TCF20: variants seen among roughly 807,000 people sequenced by gnomAD.
The protein encoded by TCF20 is transcription factor 20.
TCF20 carries 3 observed loss-of-function variants against 148.6 expected under a neutral mutation model. The ratio of observed to expected loss-of-function variants is 0.02; its 90% CI spans 0.01 to 0.05. TCF20 has a LOEUF of 0.05. TCF20 is among the 10% of genes least tolerant of loss of function. TCF20 has a pLI of 1.00. For missense variants in TCF20, 2,350 were observed against 2,429.3 expected, an observed-to-expected ratio of 0.97 and a Z score of 0.69; for synonymous variants, 1,049 against 909.5, an observed-to-expected ratio of 1.15 and a Z score of -2.76.
upstream of TCF20, among the ~76,000 whole-genome samples, chr22:42,284,906 T>C (rs1926998073): frequency 6.6e-6 from 1 of 152,174 alleles, no homozygotes; most frequent in Admixed American, 6.5e-5. Flanking sequence ...CAGGAAGCAT[T>C]GGGACACAAC....
intron 2 of TCF20, among the ~76,000 whole-genome samples, chr22:42,188,071 A>G (rs1937131401): frequency 6.6e-6 from 1 of 151,950 alleles, no homozygotes; most frequent in South Asian, 2.1e-4. Flanking sequence ...AGGCAGGCGG[A>G]TCACCTGAGG....
At chr22:42,246,860 GGAGGC>G (rs1445780033) in intron 1 of TCF20, among the ~76,000 whole-genome samples, 1 of 151,842 alleles carries the variant, frequency 6.6e-6, no homozygotes, top group Non-Finnish European at 1.5e-5. Context: ...CAGCTACTTG[GGAGGC>G]TGATGCAGGA....
At chr22:42,253,539 C>T (rs911434382) in intron 1 of TCF20, among the ~76,000 whole-genome samples, 1 of 151,764 alleles carries the variant, frequency 6.6e-6, no homozygotes, top group Non-Finnish European at 1.5e-5. Flanking sequence ...CAAGATTTAC[C>T]CCTTAAATAT....
chr22:42,245,885 T>C (rs1279032146), intron 1 of TCF20, among the ~76,000 whole-genome samples: 1 of 152,118 alleles, frequency 6.6e-6, no homozygotes, highest in Non-Finnish European at 1.5e-5. Context: ...ATAGATGGAA[T>C]TACAGGCATG....
chr22:42,243,282 G>A (rs1328934697), intron 1 of TCF20, among the ~76,000 whole-genome samples: 11 of 83,954 alleles, frequency 1.3e-4, no homozygotes, highest in Admixed American at 7.1e-4. Context: ...GGCAGAGCAA[G>A]ACACTGTCTC....
At chr22:42,272,418 T>G (rs946386413), upstream of TCF20, among the ~76,000 whole-genome samples, 2 of 152,208 alleles carry the variant, frequency 1.3e-5, no homozygotes, top group African/African-American at 4.8e-5. Flanking sequence ...TGAATCCTTT[T>G]TCCTTAGAGT....
chr22:42,264,261 T>TG, intron 1 of TCF20, among the ~76,000 whole-genome samples: 1 of 1,662 alleles, frequency 6.0e-4, no homozygotes, highest in East Asian at 0.011. Context: ...AGATCTAAAG[T>TG]GGGGCGGGGG....
chr22:42,329,951 G>T (rs1161752528), intron 1 of TCF20, among the ~76,000 whole-genome samples: 3 of 152,186 alleles, frequency 2.0e-5, no homozygotes, highest in Admixed American at 6.5e-5. Context: ...GTAGGTCCTG[G>T]CCCAGAGTAA....
intron 1 of TCF20, among the ~76,000 whole-genome samples, chr22:42,332,805 C>T (rs902339409): frequency 6.6e-6 from 1 of 152,192 alleles, no homozygotes; most frequent in Non-Finnish European, 1.5e-5. Flanking sequence ...TGGGCAAACA[C>T]GATGCTACAG....
intron 1 of TCF20, among the ~76,000 whole-genome samples, chr22:42,308,613 A>G (rs1927477435): frequency 6.6e-6 from 1 of 152,152 alleles, no homozygotes; most frequent in Non-Finnish European, 1.5e-5. Flanking sequence ...ACCCAGGGCC[A>G]TGGCAGGCAC....
At chr22:42,197,730 A>G (rs1274709346) in intron 2 of TCF20, among the ~76,000 whole-genome samples, 1 of 152,236 alleles carries the variant, frequency 6.6e-6, no homozygotes, top group Non-Finnish European at 1.5e-5. Flanking sequence ...AGGCTATGAG[A>G]AATAGGTACA....
At chr22:42,302,090 C>G (rs539913249) in intron 1 of TCF20, among the ~76,000 whole-genome samples, 4 of 152,204 alleles carry the variant, frequency 2.6e-5, no homozygotes, top group African/African-American at 9.6e-5. Flanking sequence ...AAAGGAGGGA[C>G]AGCTAATGGG....
chr22:42,263,790 C>G (rs973478553), intron 1 of TCF20, among the ~76,000 whole-genome samples: 1 of 152,100 alleles, frequency 6.6e-6, no homozygotes. Flanking sequence ...TTTTCCTAAG[C>G]GAGTACATTA....
rs752724759 is a variant in TCF20 at position 42,212,402 on chromosome 22, T to C, written c.2904A>G (p.Gly968=). The change falls in exon 2 of 6, where the codon GGA becomes GGG. Residue 968 remains glycine (G), a synonymous_variant. Transcript: ENST00000677622. Reference sequence around the variant, plus strand: ...CTGAAAGGGAATCATGGGTTGCTGCTCCAGGGCTGGCATTGCCGCGGTAAG... The same window carrying C: ...CTGAAAGGGAATCATGGGTTGCTGCCCCAGGGCTGGCATTGCCGCGGTAAG... The part of the protein sequence containing the change: ...HESYRGNASP[G]AATHDSLSDY... 1 of 1,614,244 alleles carries C rather than the reference T, an allele frequency of 6.2e-7. No individual in the cohort carries two copies. The highest frequency in any genetic ancestry group is 1.7e-5 in the Admixed American group (1 of 60,028).
chr22:42,230,590 A>G (rs1923309864), intron 1 of TCF20, among the ~76,000 whole-genome samples: 1 of 151,952 alleles, frequency 6.6e-6, no homozygotes, highest in South Asian at 2.1e-4. Context: ...GGTTGCAGTG[A>G]GCCGAGATCA....
chr22:42,256,875 G>C (rs1925773792), intron 1 of TCF20, among the ~76,000 whole-genome samples: 1 of 152,130 alleles, frequency 6.6e-6, no homozygotes, highest in African/African-American at 2.4e-5. Flanking sequence ...AAACTCTCCA[G>C]GAGCCAGGCA....
At chr22:42,260,627 G>C (rs542651432) in intron 1 of TCF20, among the ~76,000 whole-genome samples, 13 of 152,146 alleles carry the variant, frequency 8.5e-5, no homozygotes, top group Non-Finnish European at 1.9e-4. Context: ...CGAGACCACA[G>C]ATGAACATCA....
intron 2 of TCF20, among the ~76,000 whole-genome samples, chr22:42,182,853 C>T (rs1936847245): frequency 6.6e-6 from 1 of 152,208 alleles, no homozygotes; most frequent in African/African-American, 2.4e-5. Context: ...TCTCGTGCCT[C>T]AGCTTCCCAA....
chr22:42,190,270 G>A (rs1205018360), intron 2 of TCF20, among the ~76,000 whole-genome samples: 1 of 152,028 alleles, frequency 6.6e-6, no homozygotes. Context: ...ATTAGCCTGG[G>A]CAACAAAGAA....
Sources: gnomAD v4.1 joint callset for allele counts (sites outside exome capture counted in the v4.1 genomes callset) on GRCh38, gnomAD v4.1.1 for gene constraint, MANE v1.5 for transcripts, NCBI Gene and HGNC (gene_info 2026-07-23, HGNC 2026-07-21) for gene names.